The following ZNF831 variants were observed in gnomAD, a reference collection of about 807,000 sequenced individuals.
ZNF831 encodes the protein chromosome 20 open reading frame 174.
ZNF831 carries 59 observed loss-of-function variants against 95.8 expected under a neutral mutation model. The observed-to-expected ratio is 0.62, with a 90% CI of 0.50 to 0.77. ZNF831 has a LOEUF of 0.77. ZNF831 is among the 30% of genes least tolerant of loss of function. The probability of loss-of-function intolerance (pLI) is 0.00; values close to 1 mark genes in which losing one functional copy is unlikely to be tolerated. For synonymous variants in ZNF831, 961 were observed against 925.5 expected (o/e 1.04, Z -0.70); for missense variants, 2,205 against 2,164.0 (o/e 1.02, Z -0.38).
At chr20:59,158,699 TG>T (rs1431593836) in intron 2 of ZNF831, among the ~76,000 whole-genome samples, 2 of 152,256 alleles carry the variant, frequency 1.3e-5, no homozygotes, top group African/African-American at 4.8e-5. Context: ...CACTTTTGTT[TG>T]GTTTTTAACT....
intron 4 of ZNF831, among the ~76,000 whole-genome samples, chr20:59,226,009 A>C (rs1986404714): frequency 6.6e-6 from 1 of 152,212 alleles, no homozygotes; most frequent in African/African-American, 2.4e-5. Flanking sequence ...ATCCCTAGGC[A>C]CATGGTGGCC....
intron 1 of ZNF831, among the ~76,000 whole-genome samples, chr20:59,136,121 G>T: frequency 6.6e-6 from 1 of 152,158 alleles, no homozygotes; most frequent in East Asian, 1.9e-4. Flanking sequence ...TGAATACATT[G>T]TCAAGGTCTA....
At chr20:59,140,230 G>C (rs1979634609) in intron 1 of ZNF831, among the ~76,000 whole-genome samples, 2 of 152,180 alleles carry the variant, frequency 1.3e-5, no homozygotes, top group Admixed American at 6.5e-5. Context: ...TTCAATTTTA[G>C]TTGAGTTTAA....
In ZNF831 at chr20:59,191,460, G is replaced by A. The variant is rs2146548123; in HGVS notation, c.441G>A (p.Pro147=). 1.9e-6 allele frequency: 3 copies of A among 1,613,060 alleles called. No individual in the cohort carries two copies. Among genetic ancestry groups the A allele is most frequent in the African/African-American group, 1.3e-5 (1 of 75,074 alleles). Residue 147 remains proline (P), a synonymous_variant, in exon 2 of 6, where the codon CCG becomes CCA. Coordinates refer to ENST00000371030, the MANE Select transcript of ZNF831 (RefSeq NM_178457.3). ...KVRNAGKYLC[P]HCGRDCLKPS... ...GGAATGCGGGCAAGTACCTGTGTCC[G>A]CACTGTGGTCGCGACTGCCTGAAGC... is the stretch of plus-strand genomic sequence containing the variant.
At chr20:59,135,122 G>A (rs1407764808) in intron 1 of ZNF831, among the ~76,000 whole-genome samples, 1 of 151,932 alleles carries the variant, frequency 6.6e-6, no homozygotes, top group Admixed American at 6.6e-5. Flanking sequence ...CACAGAGAAG[G>A]GACTCACACA....
At chr20:59,155,863 A>C (rs577062452) in intron 2 of ZNF831, among the ~76,000 whole-genome samples, 1 of 152,304 alleles carries the variant, frequency 6.6e-6, no homozygotes, top group South Asian at 2.1e-4. Context: ...GCCTTGAGAC[A>C]CGTGCCAGAA....
intron 4 of ZNF831, among the ~76,000 whole-genome samples, chr20:59,237,373 G>T (rs1721202555): frequency 6.6e-6 from 1 of 152,122 alleles, no homozygotes; most frequent in Admixed American, 6.5e-5. Context: ...TTGAGACAGG[G>T]TCTCGCTCTG....
At chr20:59,125,323 A>C (rs6100344) in intron 1 of ZNF831, among the ~76,000 whole-genome samples, 20,289 of 152,208 alleles carry the variant, frequency 0.13, 1,465 homozygotes, top group Non-Finnish European at 0.14. Flanking sequence ...TTGTTTCAAC[A>C]ATTCAGAAGT....
chr20:59,205,499 C>T (rs73618652), intron 3 of ZNF831, among the ~76,000 whole-genome samples: 24,296 of 152,108 alleles, frequency 0.16, 2,485 homozygotes, highest in East Asian at 0.51. Flanking sequence ...ACACAGAGGC[C>T]GGAAAAGATG....
chr20:59,126,925 T>G (rs1029885179), intron 1 of ZNF831, among the ~76,000 whole-genome samples: 5 of 151,904 alleles, frequency 3.3e-5, no homozygotes, highest in African/African-American at 1.2e-4. Flanking sequence ...TGGTGGAGAG[T>G]GTGGCTTTGA....
chr20:59,220,056 C>T (rs1047098322), intron 4 of ZNF831, among the ~76,000 whole-genome samples: 1 of 152,204 alleles, frequency 6.6e-6, no homozygotes, highest in Non-Finnish European at 1.5e-5. Context: ...CCTTCAATCC[C>T]ACACCTGAAA....
chr20:59,207,435 T>G (rs1049044605), intron 4 of ZNF831, among the ~76,000 whole-genome samples: 6 of 152,158 alleles, frequency 3.9e-5, no homozygotes, highest in African/African-American at 1.4e-4. Context: ...GCAGGGTCAT[T>G]GTAAAGCTAA....
At chr20:59,126,845 T>G (rs1467440982) in intron 1 of ZNF831, among the ~76,000 whole-genome samples, 1 of 152,232 alleles carries the variant, frequency 6.6e-6, no homozygotes. Context: ...CCGTCGTCTT[T>G]GTGGCTTCTC....
In ZNF831 at chr20:59,191,051, C is replaced by T. The variant is rs369865468; in HGVS notation, c.32C>T (p.Pro11Leu). The T allele has an allele frequency of 6.0e-6, 9 of 1,495,986 alleles. No individual in the cohort carries two copies. The African/African-American group carries it at 9.8e-5, about 16-fold the overall frequency. 92.7% of individuals were successfully genotyped at this position (1,495,986 alleles called of 1,614,324 possible). A position where few individuals can be genotyped will look rare whatever the true frequency, so the allele number is the denominator to read the frequency against. MEVPEPTCPA[P>L]PARDQPAPTP... ...GTTCCAGAACCCACCTGCCCTGCCC[C>T]TCCTGCGAGGGACCAGCCAGCTCCC... Residue 11 changes from proline to leucine, a missense_variant, in exon 2 of 6, where the codon CCT (proline) becomes CTT (leucine). Pro to Leu is a moderately conservative substitution (Grantham distance 98). Transcript: ENST00000371030.
chr20:59,148,887 A>C (rs1187612533), intron 2 of ZNF831, among the ~76,000 whole-genome samples: 6 of 151,844 alleles, frequency 4.0e-5, no homozygotes, highest in Non-Finnish European at 8.8e-5. Context: ...ACACCCCTGC[A>C]CCTTGGACAC....
At chr20:59,205,011 G>C (rs988268591) in intron 3 of ZNF831, among the ~76,000 whole-genome samples, 2 of 152,190 alleles carry the variant, frequency 1.3e-5, no homozygotes, top group African/African-American at 4.8e-5. Flanking sequence ...CCACCTTGAT[G>C]AAGTGCGAAT....
Sources: allele counts gnomAD v4.1 joint callset (sites outside exome capture counted in the v4.1 genomes callset), GRCh38; gene constraint gnomAD v4.1.1; transcripts MANE v1.5; gene names NCBI Gene and HGNC (gene_info 2026-07-23, HGNC 2026-07-21).